EXOSC8: variants seen among roughly 807,000 people sequenced by gnomAD.
The protein encoded by EXOSC8 is exosome component 8.
EXOSC8 carries 37 observed loss-of-function variants against 39.9 expected under a neutral mutation model. The observed-to-expected ratio is 0.93, with a 90% CI of 0.71 to 1.22. The LOEUF (loss-of-function observed/expected upper bound fraction) is 1.22, where lower values mean the gene tolerates loss of function less well. Ranked by LOEUF, EXOSC8 falls within the 50% of genes most tolerant of loss-of-function variation. EXOSC8 has a pLI of 0.00. For synonymous variants in EXOSC8, 93 were observed against 109.5 expected, an observed-to-expected ratio of 0.85 and a Z score of 0.94; for missense variants, 313 against 326.6, an observed-to-expected ratio of 0.96 and a Z score of 0.32.
chr13:37,004,617 T>C lies in EXOSC8; in HGVS notation c.238+56T>C, dbSNP rs982964134. 5 of 1,146,240 alleles carry C rather than the reference T, an allele frequency of 4.4e-6. No homozygotes were observed. The African/African-American group carries it at 7.9e-5, about 18-fold the overall frequency. 71.0% of individuals were successfully genotyped at this position (1,146,240 alleles called of 1,614,324 possible). On this transcript the variant is annotated intron_variant, in intron 5 of 10. Transcript: ENST00000389704. Reference sequence around the variant, plus strand: ...AAATACTTTTAACACATTTAATAATTTTTAGTTAAGTCCTAGTTAAGTTGA... The same window carrying C: ...AAATACTTTTAACACATTTAATAATCTTTAGTTAAGTCCTAGTTAAGTTGA...
intron 1 of EXOSC8, chr13:37,001,603 ATC>A (rs1466123494): frequency 5.9e-5 from 9 of 152,242 alleles, no homozygotes; most frequent in African/African-American, 2.2e-4. Flanking sequence ...TGAAATAGTT[ATC>A]TATGAGTATA....
At position 37,009,381 on chromosome 13, in the gene EXOSC8, T is replaced by A. The variant is rs990684783; in HGVS notation, c.*82T>A. On this transcript the variant is annotated 3_prime_UTR_variant, in exon 11 of 11. Transcript: ENST00000389704. Reference sequence around the variant, plus strand: ...ACAAACGTTTTATACTAAATAAATATCAAACTACATTCTTCTGAAAGATGT... The same window carrying A: ...ACAAACGTTTTATACTAAATAAATAACAAACTACATTCTTCTGAAAGATGT... The A allele has an allele frequency of 6.3e-6, 5 of 791,398 alleles. No homozygotes were observed. Among genetic ancestry groups the A allele is most frequent in the South Asian group, 3.4e-5 (2 of 59,566 alleles). 49.0% of individuals were successfully genotyped at this position (791,398 alleles called of 1,614,324 possible).
chr13:37,005,874 A>AC, intron 5 of EXOSC8, 46 bp from the exon 6 acceptor site: 1 of 813,512 alleles, frequency 1.2e-6, no homozygotes, highest in East Asian at 2.9e-5. Flanking sequence ...AAAAAAAAAA[A>AC]AAAAAAAAAA....
intron 1 of EXOSC8, among the ~76,000 whole-genome samples, chr13:37,001,985 T>A (rs545164221): frequency 6.6e-6 from 1 of 152,324 alleles, no homozygotes; most frequent in East Asian, 1.9e-4. Context: ...TCACTCTGAA[T>A]CCTTGTTTCA....
rs1466554441 is a variant in EXOSC8 at position 37,004,309 on chromosome 13, C to A, written c.193-207C>A. 1.3e-5 allele frequency: 5 copies of A among 393,096 alleles called. No individual in the cohort carries two copies. The East Asian group carries it at 1.8e-4, about 14-fold the overall frequency. 24.4% of individuals were successfully genotyped at this position (393,096 alleles called of 1,614,324 possible). A position where few individuals can be genotyped will look rare whatever the true frequency, so the allele number is the denominator to read the frequency against. On this transcript the variant is annotated intron_variant, in intron 4 of 10. Coordinates refer to ENST00000389704, the MANE Select transcript of EXOSC8 (RefSeq NM_181503.3). Reference sequence around the variant, plus strand: ...TTTAAAAGATCTCCAGGTAATCTTGCCGAGCAGCACTGTAGTGTAGTCCAC... The same window carrying A: ...TTTAAAAGATCTCCAGGTAATCTTGACGAGCAGCACTGTAGTGTAGTCCAC...
intron 4 of EXOSC8, chr13:37,003,398 GC>G (rs1197890606): frequency 1.1e-5 from 2 of 179,982 alleles, no homozygotes; most frequent in Non-Finnish European, 2.3e-5. Context: ...CTGAGTACTT[GC>G]TATGTTCCAG....
rs1320958660 is a variant in EXOSC8, at chr13:37,006,132, AAG to A, written c.365_366del (p.Glu122GlyfsTer16). On this transcript the variant is annotated frameshift_variant, in exon 7 of 11. Transcript: ENST00000389704. LOFTEE classifies it high-confidence loss of function. ...AAATCAAGTTCACAGATAATTCAGA[AAG>A]AGGACTTATGCATTTCTCCAGGAAA... 2 of 1,610,722 alleles carry A rather than the reference AAG, an allele frequency of 1.2e-6. No individual in the cohort carries two copies. The highest frequency in any genetic ancestry group is 1.7e-6 in the Non-Finnish European group (2 of 1,177,046).
rs1262759700 is a variant in EXOSC8 at position 37,009,474 on chromosome 13, C to CTT, written c.*176_*177dup. The CTT allele has an allele frequency of 1.3e-6, 1 of 793,820 alleles. No homozygotes were observed. Among genetic ancestry groups the CTT allele is most frequent in the African/African-American group, 1.7e-5 (1 of 57,182 alleles). 49.2% of individuals were successfully genotyped at this position (793,820 alleles called of 1,614,324 possible). A position where few individuals can be genotyped will look rare whatever the true frequency, so the allele number is the denominator to read the frequency against. ...TGAAACCATTTTTAAAAAGCAATGA[C>CTT]TTAGGCAAACCAACCCTAGTTTGTT... On this transcript the variant is annotated 3_prime_UTR_variant, in exon 11 of 11. Coordinates refer to ENST00000389704, the MANE Select transcript of EXOSC8 (RefSeq NM_181503.3).
chr13:37,008,098 G>C lies in EXOSC8; in HGVS notation c.529G>C (p.Ala177Pro). The stretch of plus-strand genomic sequence containing the variant: ...TACTATAAATGAAGAAACTGCTTTA[G>C]CAGAAGTTAATTTAAAGAAGAAAAG... ...EVTINEETAL[A>P]EVNLKKKSYL... Residue 177 changes from alanine to proline, a missense_variant, in exon 9 of 11, where the codon GCA (alanine) becomes CCA (proline). By Grantham distance (27) the Ala-to-Pro change is conservative. Coordinates refer to ENST00000389704, the MANE Select transcript of EXOSC8 (RefSeq NM_181503.3). 1.3e-6 allele frequency: 2 copies of C among 1,596,594 alleles called. No individual in the cohort carries two copies. The highest frequency in any genetic ancestry group is 1.7e-6 in the Non-Finnish European group (2 of 1,171,354).
At position 37,004,435 on chromosome 13, in the gene EXOSC8, C is replaced by G. The variant is rs1216964651; in HGVS notation, c.193-81C>G. On this transcript the variant is annotated intron_variant, in intron 4 of 10. Transcript: ENST00000389704. ...TTCCCTAAGCTGATATTTGATAGAGCCTTCCATAACTGATTGCTAAATTGT... is the reference window on the plus strand; with the variant it reads ...TTCCCTAAGCTGATATTTGATAGAGGCTTCCATAACTGATTGCTAAATTGT... 9 of 916,944 alleles carry G rather than the reference C, an allele frequency of 9.8e-6. No individual in the cohort carries two copies. In the South Asian group the frequency reaches 9.8e-5, roughly 10 times the overall value. The allele number at this position is 916,944 out of a possible 1,614,324, so 56.8% of individuals were successfully genotyped here.
intron 1 of EXOSC8, chr13:37,001,573 C>G (rs894943505): frequency 1.1e-4 from 16 of 151,380 alleles, no homozygotes; most frequent in African/African-American, 3.9e-4. Flanking sequence ...AAATAGGATT[C>G]CAAAGGAAAT....
intron 1 of EXOSC8, 45 bp downstream of exon 1, chr13:37,000,867 C>T: frequency 6.8e-7 from 1 of 1,465,906 alleles, no homozygotes; most frequent in Non-Finnish European, 9.1e-7. Flanking sequence ...CCCTGGCGGA[C>T]GGCAGCTTCC....
rs370028061 is a variant in EXOSC8 at position 37,008,713 on chromosome 13, T to A, written c.609-16T>A. On this transcript the variant is annotated splice_polypyrimidine_tract_variant and intron_variant, in intron 9 of 10. Coordinates refer to ENST00000389704, the MANE Select transcript of EXOSC8 (RefSeq NM_181503.3). ...TGTTCCATGGATTGATAACTTATAT[T>A]TTTTTCTTTTTATAGCACTTTGCTT... is the stretch of plus-strand genomic sequence containing the variant. 4.5e-4 allele frequency: 682 copies of A among 1,508,148 alleles called. 15 individuals carry two copies. In the South Asian group the frequency reaches 7.0e-3, roughly 16 times the overall value. 93.4% of individuals were successfully genotyped at this position (1,508,148 alleles called of 1,614,324 possible).
At chr13:37,000,891 TG>T in intron 1 of EXOSC8, 69 bp downstream of exon 1, 1 of 1,435,084 alleles carries the variant, frequency 7.0e-7, no homozygotes, top group Non-Finnish European at 9.2e-7. Flanking sequence ...AACTCTTAGC[TG>T]GGATTCTCTC....
At chr13:37,006,218 T>G (rs2059138199) in intron 7 of EXOSC8, 58 bp downstream of exon 7, 1 of 1,154,072 alleles carries the variant, frequency 8.7e-7, no homozygotes, top group Non-Finnish European at 1.3e-6. Flanking sequence ...TTTTTTTTTG[T>G]GGGGGAAAGT....
chr13:37,003,314 T>C, intron 4 of EXOSC8: 1 of 310,534 alleles, frequency 3.2e-6, no homozygotes, highest in Non-Finnish European at 6.0e-6. Flanking sequence ...AGTGATGACA[T>C]GTAATCTGTG....
Position 37,009,416 on chromosome 13 carries a change from T to C in EXOSC8, c.*117T>C, listed in dbSNP as rs2059210553. On this transcript the variant is annotated 3_prime_UTR_variant, in exon 11 of 11. Coordinates refer to ENST00000389704, the MANE Select transcript of EXOSC8 (RefSeq NM_181503.3). ...TTCTTCTGAAAGATGTTTCTATTAT[T>C]TCTTAGGTCACTTCCATATATATTA... 2.2e-5 allele frequency: 17 copies of C among 763,340 alleles called. No individual in the cohort carries two copies. The South Asian group carries it at 3.2e-4, about 14-fold the overall frequency. The allele number at this position is 763,340 out of a possible 1,614,324, so 47.3% of individuals were successfully genotyped here.
At chr13:37,002,120 C>T in intron 1 of EXOSC8, 153 bp from the exon 2 acceptor site, 2 of 558,758 alleles carry the variant, frequency 3.6e-6, no homozygotes, top group South Asian at 2.7e-5. Flanking sequence ...AATGTGATTG[C>T]TACTACAAGG....
Position 37,003,113 on chromosome 13 carries a change from CAATTTTT to C in EXOSC8, c.192+110_192+116del, listed in dbSNP as rs1004423004. 3.3e-4 allele frequency: 227 copies of C among 687,366 alleles called. 2 individuals carry two copies. In the South Asian group the frequency reaches 3.3e-3, roughly 10 times the overall value. 42.6% of individuals were successfully genotyped at this position (687,366 alleles called of 1,614,324 possible). ...TACTCTTGATTTGGTAGTTGGGTGT[CAATTTTT>C]AATGTTTAATTTCCCAAGAGCTTTC... On this transcript the variant is annotated intron_variant, in intron 4 of 10. Coordinates refer to ENST00000389704, the MANE Select transcript of EXOSC8 (RefSeq NM_181503.3).
Sources: gnomAD v4.1 joint callset for allele counts (sites outside exome capture counted in the v4.1 genomes callset) on GRCh38, gnomAD v4.1.1 for gene constraint, MANE v1.5 for transcripts, NCBI Gene and HGNC (gene_info 2026-07-23, HGNC 2026-07-21) for gene names.